PTPRG: variants seen among roughly 807,000 people sequenced by gnomAD.
PTPRG encodes protein tyrosine phosphatase receptor type G, also known as receptor-type tyrosine-protein phosphatase gamma.
Under a neutral mutation model 165.3 loss-of-function variants are expected in PTPRG, and 102 were observed. That is an observed-to-expected ratio of 0.62 (90% CI 0.53 to 0.73). PTPRG has a LOEUF of 0.73. Among genes scored for constraint, PTPRG ranks in the 30% least tolerant of loss-of-function variants. The probability of loss-of-function intolerance (pLI) is 0.00; values close to 1 mark genes in which losing one functional copy is unlikely to be tolerated. For missense variants in PTPRG, 1,866 were observed against 1,861.4 expected (o/e 1.00, Z -0.05); for synonymous variants, 675 against 669.5 (o/e 1.01, Z -0.13).
chr3:61,644,353 G>A (rs560900779), intron 1 of PTPRG, among the ~76,000 whole-genome samples: 1 of 152,312 alleles, frequency 6.6e-6, no homozygotes, highest in South Asian at 2.1e-4. Flanking sequence ...TTTCCAAAGA[G>A]GGGGTGGCCT....
At chr3:62,205,034 A>G (rs979388752) in intron 12 of PTPRG, among the ~76,000 whole-genome samples, 2 of 151,498 alleles carry the variant, frequency 1.3e-5, no homozygotes, top group Non-Finnish European at 2.9e-5. Flanking sequence ...GTAAATATTT[A>G]TTTGCTTTTG....
intron 1 of PTPRG, among the ~76,000 whole-genome samples, chr3:61,588,414 C>T (rs1360724553): frequency 6.6e-6 from 1 of 151,844 alleles, no homozygotes; most frequent in Admixed American, 6.6e-5. Flanking sequence ...CAGAGTCTTG[C>T]CCTGTTGCCC....
chr3:62,154,987 G>A (rs530771829), intron 6 of PTPRG, among the ~76,000 whole-genome samples: 5 of 152,220 alleles, frequency 3.3e-5, no homozygotes, highest in African/African-American at 9.6e-5. Context: ...TTTCTTCTCC[G>A]GGCCAAACCA....
intron 2 of PTPRG, among the ~76,000 whole-genome samples, chr3:61,967,905 A>G (rs948970628): frequency 1.3e-5 from 2 of 152,232 alleles, no homozygotes; most frequent in African/African-American, 4.8e-5. Context: ...GATTTTCTCT[A>G]GTAAACATGT....
At chr3:61,748,016 GC>G (rs1254162439) in intron 1 of PTPRG, among the ~76,000 whole-genome samples, 1 of 152,228 alleles carries the variant, frequency 6.6e-6, no homozygotes, top group Non-Finnish European at 1.5e-5. Flanking sequence ...GAACGCTATA[GC>G]AGGCAGATGG....
chr3:62,074,117 TTTA>T (rs2106738094), intron 4 of PTPRG, among the ~76,000 whole-genome samples: 1 of 151,922 alleles, frequency 6.6e-6, no homozygotes, highest in East Asian at 1.9e-4. Flanking sequence ...CACTTGAGTA[TTTA>T]GTGGTAAAGG....
chr3:61,887,168 A>ATTTTTTTTT (rs1209683592), intron 2 of PTPRG, among the ~76,000 whole-genome samples: 1 of 107,076 alleles, frequency 9.3e-6, no homozygotes, highest in African/African-American at 3.4e-5. Context: ...ATATATATAT[A>ATTTTTTTTT]TATTTTTAAT....
intron 2 of PTPRG, among the ~76,000 whole-genome samples, chr3:61,873,731 T>C (rs965489817): frequency 6.6e-6 from 1 of 152,170 alleles, no homozygotes; most frequent in Non-Finnish European, 1.5e-5. Flanking sequence ...CTTTTTACCA[T>C]TGGCTCTCTG....
At chr3:62,040,095 G>A (rs750433739) in intron 4 of PTPRG, among the ~76,000 whole-genome samples, 2 of 152,086 alleles carry the variant, frequency 1.3e-5, no homozygotes, top group Admixed American at 6.6e-5. Context: ...TTATAGCTGC[G>A]TCCTGCATCT....
chr3:62,146,904 G>A (rs992474614), intron 6 of PTPRG, among the ~76,000 whole-genome samples: 5 of 152,126 alleles, frequency 3.3e-5, no homozygotes, highest in African/African-American at 7.2e-5. Flanking sequence ...GAGATATGTC[G>A]TGAGTTAGTT....
At chr3:61,874,807 C>T (rs2037687986) in intron 2 of PTPRG, among the ~76,000 whole-genome samples, 1 of 152,152 alleles carries the variant, frequency 6.6e-6, no homozygotes, top group Non-Finnish European at 1.5e-5. Flanking sequence ...AGACGCCCTG[C>T]CCTAATTTAA....
chr3:62,110,149 C>T (rs2106855577), intron 5 of PTPRG, among the ~76,000 whole-genome samples: 1 of 145,732 alleles, frequency 6.9e-6, no homozygotes, highest in Middle Eastern at 3.6e-3. Flanking sequence ...AGACCTCCCT[C>T]CCCATTTTTG....
intron 17 of PTPRG, among the ~76,000 whole-genome samples, chr3:62,266,447 A>G (rs1305769118): frequency 2.0e-5 from 3 of 152,166 alleles, no homozygotes; most frequent in African/African-American, 7.2e-5. Flanking sequence ...GCAATTAATG[A>G]CTACTAAGGC....
At chr3:62,204,999 T>C (rs1430758360) in intron 12 of PTPRG, among the ~76,000 whole-genome samples, 1 of 151,908 alleles carries the variant, frequency 6.6e-6, no homozygotes, top group African/African-American at 2.4e-5. Context: ...TGTGGAGTTA[T>C]AAGAGTGCAA....
At chr3:62,263,036 A>T in intron 17 of PTPRG, 142 bp downstream of exon 17, 1 of 638,962 alleles carries the variant, frequency 1.6e-6, no homozygotes, top group African/African-American at 1.9e-5. Flanking sequence ...GCCCATCTTC[A>T]ACAGTGTAGA....
intron 2 of PTPRG, among the ~76,000 whole-genome samples, chr3:61,908,803 T>C (rs528716868): frequency 2.0e-5 from 3 of 152,288 alleles, no homozygotes; most frequent in South Asian, 2.1e-4. Flanking sequence ...GTTGCAGTGA[T>C]TGCAGGTTTA....
intron 1 of PTPRG, among the ~76,000 whole-genome samples, chr3:61,673,332 G>C (rs1165634290): frequency 1.3e-5 from 2 of 152,188 alleles, no homozygotes; most frequent in Admixed American, 6.5e-5. Context: ...CTAAAACTCT[G>C]TGTTAGAGAT....
chr3:61,576,944 T>TAG (rs1213268773), intron 1 of PTPRG, among the ~76,000 whole-genome samples: 4 of 152,218 alleles, frequency 2.6e-5, no homozygotes, highest in African/African-American at 7.2e-5. Flanking sequence ...ATGGCGCTTG[T>TAG]AGGAGTGTTT....
chr3:61,957,748 G>C (rs2040066429), intron 2 of PTPRG, among the ~76,000 whole-genome samples: 1 of 152,182 alleles, frequency 6.6e-6, no homozygotes, highest in African/African-American at 2.4e-5. Context: ...GGCAATTTGT[G>C]AAGAGCCCCT....
Sources: allele counts gnomAD v4.1 joint callset (sites outside exome capture counted in the v4.1 genomes callset), GRCh38; gene constraint gnomAD v4.1.1; transcripts MANE v1.5; gene names NCBI Gene and HGNC (gene_info 2026-07-23, HGNC 2026-07-21).